CEPT1: variants seen among roughly 807,000 people sequenced by gnomAD.
CEPT1 encodes choline/ethanolamine phosphotransferase 1, also known as choline/ethanolaminephosphotransferase 1.
CEPT1 carries 7 observed loss-of-function variants against 42.6 expected under a neutral mutation model. That is an observed-to-expected ratio of 0.16 (90% CI 0.09 to 0.31). The LOEUF is 0.31. CEPT1 is among the 10% of genes least tolerant of loss of function. The probability of loss-of-function intolerance (pLI) is 1.00; values close to 1 mark genes in which losing one functional copy is unlikely to be tolerated. For synonymous variants in CEPT1, 171 were observed against 171.9 expected (o/e 0.99, Z 0.04); for missense variants, 306 against 502.1 (o/e 0.61, Z 3.73).
chr1:111,180,872 C>G (rs1272300772), intron 5 of CEPT1: 6 of 152,142 alleles, frequency 3.9e-5, no homozygotes. Context: ...AATTAAAATG[C>G]TTTCATTGTG....
At chr1:111,151,128 G>GGT (rs1553235509) in intron 2 of CEPT1, among the ~76,000 whole-genome samples, 5 of 135,118 alleles carry the variant, frequency 3.7e-5, no homozygotes, top group African/African-American at 1.4e-4. Context: ...TTTTTTGTTT[G>GGT]TTTTTTTTTT....
At chr1:111,184,066 G>A in intron 8 of CEPT1, 125 bp from the exon 9 acceptor site, 1 of 1,003,202 alleles carries the variant, frequency 1.0e-6, no homozygotes, top group Non-Finnish European at 1.5e-6. Flanking sequence ...AAGATTGCAA[G>A]GAAATTGAAT....
Position 111,147,792 on chromosome 1 carries a change from T to C in CEPT1, c.78T>C (p.Ser26=). The change falls in exon 2 of 9, where the codon AGT becomes AGC. Residue 26 remains serine, a synonymous_variant. Coordinates refer to ENST00000357172, the MANE Select transcript of CEPT1 (RefSeq NM_006090.5). ...CCCCAGTGGGCTTCGGGCATATGAG[T>C]ACTACAGGATGTGTATTAAATAAAT... is the stretch of plus-strand genomic sequence containing the variant. ...PESPVGFGHM[S]TTGCVLNKLF... 2 of 1,614,034 alleles carry C rather than the reference T, an allele frequency of 1.2e-6. No individual in the cohort carries two copies. Among genetic ancestry groups the C allele is most frequent in the Non-Finnish European group, 1.7e-6 (2 of 1,179,992 alleles).
At chr1:111,149,266 C>CTTTTTTTTTTTTTTTTTTTTTTTTTTTT (rs775722606) in intron 2 of CEPT1, among the ~76,000 whole-genome samples, 2 of 127,948 alleles carry the variant, frequency 1.6e-5, no homozygotes, top group Non-Finnish European at 3.2e-5. Context: ...GGTTTCTCCT[C>CTTTTTTTTTTTTTTTTTTTTTTTTTTTT]TTTTTTTTTT....
At chr1:111,152,573 T>G (rs1326156441) in intron 2 of CEPT1, among the ~76,000 whole-genome samples, 3 of 152,114 alleles carry the variant, frequency 2.0e-5, no homozygotes, top group African/African-American at 7.2e-5. Context: ...AAATAAGTCT[T>G]TATTGTTTAG....
intron 7 of CEPT1, 73 bp downstream of exon 7, chr1:111,183,030 T>C: frequency 7.1e-7 from 1 of 1,416,454 alleles, no homozygotes; most frequent in Non-Finnish European, 9.7e-7. Flanking sequence ...ATAGTTCTCA[T>C]TCTGTAGCTT....
chr1:111,156,655 C>T lies in CEPT1; in HGVS notation c.340-2725C>T, dbSNP rs541700817. On this transcript the variant is annotated intron_variant, in intron 2 of 8. Coordinates refer to ENST00000357172, the MANE Select transcript of CEPT1 (RefSeq NM_006090.5). ...GAGCTGTCCTTGGCTGCATGCAGTG[C>T]AGCCCACGTGCCACAGCTTGGACGA... Among the ~76,000 whole-genome samples, 12 of 152,322 alleles carry T rather than the reference C, an allele frequency of 7.9e-5. No homozygotes were observed. In the East Asian group the frequency reaches 2.3e-3, roughly 29 times the overall value.
At chr1:111,183,944 T>A (rs904356087) in intron 8 of CEPT1, among the ~76,000 whole-genome samples, 7 of 152,168 alleles carry the variant, frequency 4.6e-5, no homozygotes, top group African/African-American at 1.7e-4. Flanking sequence ...TGTCTGTGGC[T>A]GGTTTCATGG....
intron 5 of CEPT1, among the ~76,000 whole-genome samples, chr1:111,177,809 G>C (rs1312709183): frequency 6.6e-6 from 1 of 151,338 alleles, no homozygotes; most frequent in Non-Finnish European, 1.5e-5. Flanking sequence ...TCTAATTTCA[G>C]GATTCATGAG....
intron 1 of CEPT1, among the ~76,000 whole-genome samples, chr1:111,141,632 A>T (rs371371743): frequency 4.6e-5 from 7 of 152,094 alleles, no homozygotes; most frequent in South Asian, 2.1e-4. Flanking sequence ...GAAGAAAGTG[A>T]TTTCCTCTTT....
intron 1 of CEPT1, among the ~76,000 whole-genome samples, chr1:111,142,475 T>A (rs1227875141): frequency 6.6e-6 from 1 of 152,150 alleles, no homozygotes; most frequent in Non-Finnish European, 1.5e-5. Flanking sequence ...CGAATAATAT[T>A]TGTTAATTGT....
At chr1:111,141,201 G>T (rs1654521591) in intron 1 of CEPT1, among the ~76,000 whole-genome samples, 2 of 152,210 alleles carry the variant, frequency 1.3e-5, no homozygotes, top group African/African-American at 4.8e-5. Context: ...AATATGTCCA[G>T]TCCGTAGATG....
At position 111,148,793 on chromosome 1, in the gene CEPT1, C is replaced by T. The variant is rs192792696; in HGVS notation, c.339+740C>T. Reference sequence around the variant, plus strand: ...ATTTATTTCTTTGGTTTTAAAATATCCTTACCAAAACATGAACTAAGCTAG... The same window carrying T: ...ATTTATTTCTTTGGTTTTAAAATATTCTTACCAAAACATGAACTAAGCTAG... On this transcript the variant is annotated intron_variant, in intron 2 of 8. Coordinates refer to ENST00000357172, the MANE Select transcript of CEPT1 (RefSeq NM_006090.5). 7.5e-3 allele frequency among the ~76,000 whole-genome samples: 1,141 copies of T among 152,258 alleles called. 5 individuals are homozygous for T. The highest frequency in any genetic ancestry group is 0.012 in the Non-Finnish European group (845 of 68,012).
intron 1 of CEPT1, among the ~76,000 whole-genome samples, chr1:111,141,066 T>G (rs1654503055): frequency 6.6e-6 from 1 of 152,350 alleles, no homozygotes; most frequent in East Asian, 1.9e-4. Flanking sequence ...TTGCTTGAAG[T>G]CTTTTAATCA....
chr1:111,157,705 G>A (rs1655644688), intron 2 of CEPT1, among the ~76,000 whole-genome samples: 1 of 152,212 alleles, frequency 6.6e-6, no homozygotes, highest in Non-Finnish European at 1.5e-5. Context: ...CTCTGGCTTA[G>A]TGGAGGTATG....
chr1:111,174,873 A>C lies in CEPT1; in HGVS notation c.630-6A>C. On this transcript the variant is annotated splice_polypyrimidine_tract_variant and splice_region_variant and intron_variant, in intron 4 of 8. Transcript: ENST00000357172. ...TCTGCTCTTTTGGCTTTTTGTACCTAATCAGAATTGATGTGACTGAAGTGC... is the reference window on the plus strand; with the variant it reads ...TCTGCTCTTTTGGCTTTTTGTACCTCATCAGAATTGATGTGACTGAAGTGC... 3 of 1,594,990 alleles carry C rather than the reference A, an allele frequency of 1.9e-6. No homozygotes were observed. The highest frequency in any genetic ancestry group is 2.6e-6 in the Non-Finnish European group (3 of 1,162,906).
chr1:111,175,513 A>G (rs1397679897), intron 5 of CEPT1, among the ~76,000 whole-genome samples: 1 of 152,122 alleles, frequency 6.6e-6, no homozygotes, highest in Middle Eastern at 3.2e-3. Context: ...GTAGGGAGTA[A>G]AATATGGAGG....
intron 2 of CEPT1, among the ~76,000 whole-genome samples, chr1:111,156,723 A>G (rs1363549302): frequency 6.6e-6 from 1 of 152,214 alleles, no homozygotes; most frequent in Non-Finnish European, 1.5e-5. Flanking sequence ...GTGAGGTAAC[A>G]TTTAATAGTT....
At chr1:111,148,619 C>T (rs535580522) in intron 2 of CEPT1, among the ~76,000 whole-genome samples, 1 of 152,242 alleles carries the variant, frequency 6.6e-6, no homozygotes, top group South Asian at 2.1e-4. Flanking sequence ...CTCTGGCTAC[C>T]ATTAAGAAAG....
Sources: gnomAD v4.1 joint callset for allele counts (sites outside exome capture counted in the v4.1 genomes callset) on GRCh38, gnomAD v4.1.1 for gene constraint, MANE v1.5 for transcripts, NCBI Gene and HGNC (gene_info 2026-07-23, HGNC 2026-07-21) for gene names.